MOB3A: variants seen among roughly 807,000 people sequenced by gnomAD.
The protein encoded by MOB3A is MOB LAK.
In MOB3A, 17 loss-of-function variants were observed where a neutral mutation model predicts 17.8. The ratio of observed to expected loss-of-function variants is 0.95; its 90% CI spans 0.65 to 1.43. The LOEUF is 1.43. Ranked by LOEUF, MOB3A falls within the 40% of genes most tolerant of loss-of-function variation. The pLI, the probability that MOB3A is intolerant of heterozygous loss-of-function variation, is 0.00. For missense variants in MOB3A, 333 were observed against 310.8 expected, an observed-to-expected ratio of 1.07 and a Z score of -0.54; for synonymous variants, 124 against 133.2, an observed-to-expected ratio of 0.93 and a Z score of 0.48.
intron 1 of MOB3A, among the ~76,000 whole-genome samples, chr19:2,090,670 AT>A (rs897412682): frequency 3.0e-4 from 44 of 148,834 alleles, no homozygotes; most frequent in African/African-American, 6.1e-4. Flanking sequence ...CAAATACGTT[AT>A]TTTTTTTTTT....
At chr19:2,076,183 C>T (rs943810608) in intron 4 of MOB3A, among the ~76,000 whole-genome samples, 1 of 148,978 alleles carries the variant, frequency 6.7e-6, no homozygotes, top group Non-Finnish European at 1.5e-5. Flanking sequence ...AATCCCAGCA[C>T]TTTGAGAGGC....
chr19:2,078,716 G>C, intron 2 of MOB3A, 37 bp from the exon 3 acceptor site: 1 of 701,778 alleles, frequency 1.4e-6, no homozygotes, highest in Non-Finnish European at 2.3e-6. Flanking sequence ...TGCTGGAGGC[G>C]ACAGAATTTC....
intron 1 of MOB3A, among the ~76,000 whole-genome samples, chr19:2,088,581 C>T (rs2017579065): frequency 1.3e-5 from 2 of 152,172 alleles, no homozygotes; most frequent in African/African-American, 4.8e-5. Flanking sequence ...ATTCTTCTGC[C>T]TCAGCCTCCT....
intron 4 of MOB3A, among the ~76,000 whole-genome samples, chr19:2,076,600 G>A (rs945120996): frequency 4.6e-5 from 7 of 152,190 alleles, no homozygotes; most frequent in Admixed American, 3.3e-4. Flanking sequence ...TGCACCTGTC[G>A]CCGGCATTTG....
chr19:2,076,844 G>T lies in MOB3A; in HGVS notation c.591C>A (p.Phe197Leu). 1.2e-6 allele frequency: 2 copies of T among 1,613,922 alleles called. No individual in the cohort carries two copies. The highest frequency in any genetic ancestry group is 2.2e-5 in the East Asian group (1 of 44,884). The change falls in exon 4 of 5, where the codon TTC (phenylalanine) becomes TTA (leucine). Residue 197 changes from phenylalanine to leucine, a missense_variant. Phe to Leu is a conservative substitution (Grantham distance 22). Transcript: ENST00000357066. ...YKHFYYFVKE[F>L]GLIDTKELEP... is the part of the protein sequence containing the mutation. ...CCAGCTCCTTGGTGTCGATGAGGCC[G>T]AACTCCTTGACGAAATAGTAGAAGT...
chr19:2,082,837 G>T lies in MOB3A; in HGVS notation c.-120+2338C>A, dbSNP rs1241294313. ...GCTTCTCTTCCATTTTTAGAGACAG[G>T]TTCTCGCTCTGCTGCTCAGGCTAGA... On this transcript the variant is annotated intron_variant, in intron 2 of 4. Coordinates refer to ENST00000357066, the MANE Select transcript of MOB3A (RefSeq NM_130807.3). The surrounding 1 kb of genome is among the most constrained non-coding windows in gnomAD (Gnocchi z 4.1). Among the ~76,000 whole-genome samples, 1 of 152,080 alleles carries T rather than the reference G, an allele frequency of 6.6e-6. No individual in the cohort carries two copies. Among genetic ancestry groups the T allele is most frequent in the Non-Finnish European group, 1.5e-5 (1 of 68,008 alleles).
At chr19:2,079,937 G>A (rs573455772) in intron 2 of MOB3A, among the ~76,000 whole-genome samples, 20 of 152,314 alleles carry the variant, frequency 1.3e-4, no homozygotes, top group Admixed American at 2.0e-4. Flanking sequence ...GTGGGGACCC[G>A]GCGTCCTCCT....
At chr19:2,089,596 A>G (rs1443864740) in intron 1 of MOB3A, among the ~76,000 whole-genome samples, 1 of 151,436 alleles carries the variant, frequency 6.6e-6, no homozygotes. Flanking sequence ...CGGACCCCCA[A>G]GAGACTCCGT....
At chr19:2,094,423 C>G (rs996350795) in intron 1 of MOB3A, among the ~76,000 whole-genome samples, 1 of 152,160 alleles carries the variant, frequency 6.6e-6, no homozygotes, top group African/African-American at 2.4e-5. Flanking sequence ...TACATGAAAG[C>G]AAGACCAGGC....
In MOB3A at chr19:2,071,821, T is replaced by C. The variant is rs1232923228; in HGVS notation, c.*1574A>G. 1 of 153,556 alleles carries C rather than the reference T, an allele frequency of 6.5e-6. No homozygotes were observed. Among genetic ancestry groups the C allele is most frequent in the Non-Finnish European group, 1.5e-5 (1 of 68,822 alleles). 9.5% of individuals were successfully genotyped at this position (153,556 alleles called of 1,614,324 possible). A position where few individuals can be genotyped will look rare whatever the true frequency, so the allele number is the denominator to read the frequency against. On this transcript the variant is annotated 3_prime_UTR_variant, in exon 5 of 5. Coordinates refer to ENST00000357066, the MANE Select transcript of MOB3A (RefSeq NM_130807.3). ...GCGTCCAGGGAGAGAAGAGTCCTGC[T>C]TGGGTTGATCATAAGCAAAGTGGAC...
intron 1 of MOB3A, among the ~76,000 whole-genome samples, chr19:2,094,584 T>G (rs978241718): frequency 2.0e-5 from 3 of 152,210 alleles, no homozygotes; most frequent in Admixed American, 2.0e-4. Context: ...CTTCAGCAGC[T>G]CCTCAGCTCT....
In MOB3A at chr19:2,076,997, C is replaced by A; in HGVS notation, c.438G>T (p.Lys146Asn). 1 of 1,613,346 alleles carries A rather than the reference C, an allele frequency of 6.2e-7. No homozygotes were observed. The highest frequency in any genetic ancestry group is 1.1e-5 in the South Asian group (1 of 91,016). Residue 146 changes from lysine to asparagine, a missense_variant, in exon 4 of 5, where the codon AAG becomes AAT. Physicochemically the swap from Lys to Asn is moderately conservative, Grantham distance 94. Coordinates refer to ENST00000357066, the MANE Select transcript of MOB3A (RefSeq NM_130807.3). ...TCTTCCGCACCGTCTGCAGGAAGTT[C>A]TTGGGAAACGGAGTGCCTGCAGGGA... ...FPTNVGTPFPKNFLQTVRKIL... is the reference protein window; with the variant it reads ...FPTNVGTPFPNNFLQTVRKIL...
At chr19:2,094,979 T>C (rs2017657402) in intron 1 of MOB3A, among the ~76,000 whole-genome samples, 1 of 152,224 alleles carries the variant, frequency 6.6e-6, no homozygotes, top group African/African-American at 2.4e-5. Context: ...AAGACCAGCC[T>C]GGCCAACATG....
chr19:2,095,200 AC>A (rs1319950351), intron 1 of MOB3A: 23 of 153,138 alleles, frequency 1.5e-4, no homozygotes, highest in Non-Finnish European at 3.2e-4. Flanking sequence ...AAACAAACAA[AC>A]AAACAAAAAA....
At chr19:2,081,787 G>A (rs2017493302) in intron 2 of MOB3A, among the ~76,000 whole-genome samples, 1 of 152,188 alleles carries the variant, frequency 6.6e-6, no homozygotes, top group Admixed American at 6.5e-5. Context: ...GGGAGGCTGA[G>A]GCAGGAGAAT....
At chr19:2,088,453 G>A (rs973371134) in intron 1 of MOB3A, among the ~76,000 whole-genome samples, 7 of 151,918 alleles carry the variant, frequency 4.6e-5, no homozygotes, top group Non-Finnish European at 8.8e-5. Context: ...CCTGGCGTGC[G>A]TCCAGATAAT....
At position 2,073,236 on chromosome 19, in the gene MOB3A, G is replaced by A. The variant is rs577341609; in HGVS notation, c.*159C>T. 816 of 820,308 alleles carry A rather than the reference G, an allele frequency of 9.9e-4. 2 individuals carry two copies. The highest frequency in any genetic ancestry group is 2.1e-3 in the Admixed American group (97 of 47,160). The allele number at this position is 820,308 out of a possible 1,614,324, so 50.8% of individuals were successfully genotyped here. ...CTGAGGAAGGCATCTGCCGTCCGGG[G>A]TTGGAGCTCCTGAGGACCAACACCT... is the stretch of plus-strand genomic sequence containing the variant. On this transcript the variant is annotated 3_prime_UTR_variant, in exon 5 of 5. Transcript: ENST00000357066.
rs1017382521 is a variant in MOB3A, at chr19:2,082,880, T to C, written c.-120+2295A>G. Among the ~76,000 whole-genome samples the C allele has an allele frequency of 3.3e-5, 5 of 152,236 alleles. No individual in the cohort carries two copies. Among genetic ancestry groups the C allele is most frequent in the African/African-American group, 1.2e-4 (5 of 41,460 alleles). The stretch of plus-strand genomic sequence containing the variant: ...AGGCTAGAGTGCAGTGGCAGGATCA[T>C]GGCTCACACTTCAGCCTCGACCTCC... On this transcript the variant is annotated intron_variant, in intron 2 of 4. Transcript: ENST00000357066. The surrounding 1 kb of genome is among the most constrained non-coding windows in gnomAD (Gnocchi z 4.1).
chr19:2,080,543 A>G (rs903324516), intron 2 of MOB3A, among the ~76,000 whole-genome samples: 4 of 151,906 alleles, frequency 2.6e-5, no homozygotes, highest in Non-Finnish European at 5.9e-5. Flanking sequence ...ACACCCAGCT[A>G]ATTTTTGTAT....
Sources: allele counts gnomAD v4.1 joint callset (sites outside exome capture counted in the v4.1 genomes callset), GRCh38; gene constraint gnomAD v4.1.1; non-coding constraint Gnocchi (gnomAD v3.1); transcripts MANE v1.5; gene names NCBI Gene and HGNC (gene_info 2026-07-23, HGNC 2026-07-21).